Variants in PCP4 observed in about 807,000 individuals in gnomAD.
PCP4 encodes the protein Purkinje cell protein 4.
PCP4 carries 8 observed loss-of-function variants against 10.0 expected under a neutral mutation model. The ratio of observed to expected loss-of-function variants is 0.80; its 90% CI spans 0.47 to 1.45. The LOEUF (loss-of-function observed/expected upper bound fraction) is 1.45, where lower values mean the gene tolerates loss of function less well. Ranked by LOEUF, PCP4 falls within the 40% of genes most tolerant of loss-of-function variation. The pLI is 0.00. For synonymous variants in PCP4, 21 were observed against 23.0 expected, an observed-to-expected ratio of 0.91 and a Z score of 0.24; for missense variants, 54 against 74.4, an observed-to-expected ratio of 0.73 and a Z score of 1.01.
In PCP4 at chr21:39,867,443, C is replaced by G; in HGVS notation, c.-59C>G. The G allele has an allele frequency of 1.2e-6, 2 of 1,606,028 alleles. No individual in the cohort carries two copies. Among genetic ancestry groups the G allele is most frequent in the Non-Finnish European group, 1.7e-6 (2 of 1,172,664 alleles). ...AAAGCCAGAACCGGTGGAGCAGCGA[C>G]CCCTGAGCAGTGTTCTCTGTGCTGA... On this transcript the variant is annotated 5_prime_UTR_variant, in exon 1 of 3. Transcript: ENST00000328619.
chr21:39,907,952 G>A (rs1364613258), intron 2 of PCP4, among the ~76,000 whole-genome samples: 1 of 152,170 alleles, frequency 6.6e-6, no homozygotes, highest in Non-Finnish European at 1.5e-5. Flanking sequence ...TTTTCCAGTT[G>A]TTGCCAATGT....
chr21:39,908,687 G>A (rs2087524887), intron 2 of PCP4, among the ~76,000 whole-genome samples: 1 of 151,408 alleles, frequency 6.6e-6, no homozygotes, highest in Admixed American at 6.5e-5. Context: ...AAGGTGGGGA[G>A]GAGGGTGGGA....
At chr21:39,922,807 T>A (rs1222746426) in intron 2 of PCP4, among the ~76,000 whole-genome samples, 1 of 152,202 alleles carries the variant, frequency 6.6e-6, no homozygotes, top group Non-Finnish European at 1.5e-5. Context: ...CCTGATAGAT[T>A]TTGATTGTCA....
chr21:39,877,397 A>G (rs1000945329), intron 1 of PCP4, among the ~76,000 whole-genome samples: 6 of 152,044 alleles, frequency 3.9e-5, no homozygotes, highest in African/African-American at 1.4e-4. Flanking sequence ...ATGTTTCATT[A>G]AGACCCTTGT....
At chr21:39,869,206 G>A (rs1390197903) in intron 1 of PCP4, among the ~76,000 whole-genome samples, 1 of 152,222 alleles carries the variant, frequency 6.6e-6, no homozygotes, top group Non-Finnish European at 1.5e-5. Context: ...TTCTGGCTCA[G>A]TCATGCCGTC....
intron 1 of PCP4, among the ~76,000 whole-genome samples, chr21:39,880,477 G>A (rs185491643): frequency 6.6e-6 from 1 of 152,176 alleles, no homozygotes; most frequent in African/African-American, 2.4e-5. Context: ...GTGTGTGTGT[G>A]CATGCGTGTG....
chr21:39,923,859 T>C (rs570496263), intron 2 of PCP4, among the ~76,000 whole-genome samples: 1 of 152,376 alleles, frequency 6.6e-6, no homozygotes, highest in South Asian at 2.1e-4. Flanking sequence ...GAGGGCGTGG[T>C]GTGTGCCCTC....
At chr21:39,907,954 T>C (rs1469442796) in intron 2 of PCP4, among the ~76,000 whole-genome samples, 1 of 152,212 alleles carries the variant, frequency 6.6e-6, no homozygotes, top group Non-Finnish European at 1.5e-5. Flanking sequence ...TTCCAGTTGT[T>C]GCCAATGTAC....
chr21:39,906,490 C>T lies in PCP4; in HGVS notation c.61+7963C>T, dbSNP rs2087510731. ...ATCAAAGCAACATGTTCATTTATAG[C>T]CTCTTCATATTTCACCTGCCCTCTT... On this transcript the variant is annotated intron_variant, in intron 2 of 2. Coordinates refer to ENST00000328619, the MANE Select transcript of PCP4 (RefSeq NM_006198.3). This position sits in a 1 kb window ranked among gnomAD's most constrained non-coding sequence, Gnocchi z 6.3. Among the ~76,000 whole-genome samples, 2 of 151,944 alleles carry T rather than the reference C, an allele frequency of 1.3e-5. No homozygotes were observed. Among genetic ancestry groups the T allele is most frequent in the African/African-American group, 4.8e-5 (2 of 41,330 alleles).
Position 39,929,174 on chromosome 21 carries a change from TAAAAG to T in PCP4, c.*66_*70del. On this transcript the variant is annotated 3_prime_UTR_variant, in exon 3 of 3. Coordinates refer to ENST00000328619, the MANE Select transcript of PCP4 (RefSeq NM_006198.3). ...ATTCAACCATCATCTGTCAAGAAAT[TAAAAG>T]AACAACACCCTAGAGAGAAGTCATC... 6.5e-7 allele frequency: 1 copy of T among 1,534,366 alleles called. No individual in the cohort carries two copies.
At chr21:39,922,785 G>A (rs565699910) in intron 2 of PCP4, among the ~76,000 whole-genome samples, 1 of 152,224 alleles carries the variant, frequency 6.6e-6, no homozygotes, top group South Asian at 2.1e-4. Context: ...AGCAGTTCAC[G>A]TAGCTGCCCA....
intron 1 of PCP4, among the ~76,000 whole-genome samples, chr21:39,868,800 C>A (rs2087305884): frequency 1.3e-5 from 2 of 152,166 alleles, no homozygotes; most frequent in Admixed American, 1.3e-4. Flanking sequence ...AAGACTTGGG[C>A]TGCAATGCTG....
intron 2 of PCP4, among the ~76,000 whole-genome samples, chr21:39,903,841 C>T (rs1206714076): frequency 7.6e-6 from 1 of 131,806 alleles, no homozygotes; most frequent in Admixed American, 9.2e-5. Context: ...GCAATCCGGC[C>T]TGGGCTAAAG....
chr21:39,887,995 T>A (rs1032733469), intron 1 of PCP4, among the ~76,000 whole-genome samples: 3 of 152,198 alleles, frequency 2.0e-5, no homozygotes, highest in Admixed American at 2.0e-4. Context: ...GATATGCGGA[T>A]TCGTGTTTTT....
intron 2 of PCP4, among the ~76,000 whole-genome samples, chr21:39,916,359 C>T (rs2087568292): frequency 6.6e-6 from 1 of 152,190 alleles, no homozygotes; most frequent in Non-Finnish European, 1.5e-5. Context: ...TCCCCTGGCC[C>T]CAGTCTAACT....
At chr21:39,880,635 G>A (rs891085261) in intron 1 of PCP4, among the ~76,000 whole-genome samples, 10 of 152,178 alleles carry the variant, frequency 6.6e-5, no homozygotes, top group Non-Finnish European at 8.8e-5. Flanking sequence ...TTTGTCCCAC[G>A]TCTTTTTCTA....
At chr21:39,926,017 G>C in intron 2 of PCP4, 1 of 456,134 alleles carries the variant, frequency 2.2e-6, no homozygotes, top group Admixed American at 2.3e-5. Context: ...GTGCCACCGA[G>C]TCTAATTGGT....
intron 1 of PCP4, among the ~76,000 whole-genome samples, chr21:39,886,128 A>G (rs1443734000): frequency 6.6e-6 from 1 of 152,176 alleles, no homozygotes; most frequent in Non-Finnish European, 1.5e-5. Flanking sequence ...CAAAGATGTT[A>G]TCTTCCAATA....
At chr21:39,880,652 C>T (rs1348076767) in intron 1 of PCP4, among the ~76,000 whole-genome samples, 1 of 152,196 alleles carries the variant, frequency 6.6e-6, no homozygotes, top group Admixed American at 6.5e-5. Context: ...TCTATCAAGT[C>T]TTTGGTCCTC....
Sources: gnomAD v4.1 joint callset for allele counts (sites outside exome capture counted in the v4.1 genomes callset) on GRCh38, gnomAD v4.1.1 for gene constraint, Gnocchi (gnomAD v3.1) non-coding constraint, MANE v1.5 for transcripts, NCBI Gene and HGNC (gene_info 2026-07-23, HGNC 2026-07-21) for gene names.